Variants in PDE9A observed in about 807,000 individuals in gnomAD.
The protein encoded by PDE9A is phosphodiesterase 9A.
PDE9A carries 60 observed loss-of-function variants against 87.4 expected under a neutral mutation model. The ratio of observed to expected loss-of-function variants is 0.69; its 90% CI spans 0.56 to 0.85. The LOEUF is 0.85. Among genes scored for constraint, PDE9A ranks in the 40% least tolerant of loss-of-function variants. The pLI, the probability that PDE9A is intolerant of heterozygous loss-of-function variation, is 0.00. For missense variants in PDE9A, 665 were observed against 779.0 expected (o/e 0.85, Z 1.74); for synonymous variants, 272 against 279.4 (o/e 0.97, Z 0.27).
intron 1 of PDE9A, among the ~76,000 whole-genome samples, chr21:42,672,213 C>T (rs1166268188): frequency 2.0e-5 from 3 of 152,258 alleles, no homozygotes; most frequent in African/African-American, 7.2e-5. Flanking sequence ...GAGCCCACCT[C>T]GCCTTCGTTC....
chr21:42,697,421 G>GCTCATT, intron 3 of PDE9A: 1 of 1,608,964 alleles, frequency 6.2e-7, no homozygotes, highest in Non-Finnish European at 8.5e-7. Context: ...CCAGGAATGA[G>GCTCATT]CTCATTCTCT....
At chr21:42,699,938 A>G (rs891726583) in intron 4 of PDE9A, among the ~76,000 whole-genome samples, 4 of 152,100 alleles carry the variant, frequency 2.6e-5, no homozygotes, top group Non-Finnish European at 4.4e-5. Context: ...TTAAGTGCCT[A>G]TTTTGATGAC....
chr21:42,682,322 C>G (rs2059213539), intron 1 of PDE9A, among the ~76,000 whole-genome samples: 1 of 152,228 alleles, frequency 6.6e-6, no homozygotes, highest in African/African-American at 2.4e-5. Context: ...CAGCCAGTGC[C>G]AACTTTTGTG....
At chr21:42,708,335 C>T (rs560709167) in intron 4 of PDE9A, among the ~76,000 whole-genome samples, 4 of 152,202 alleles carry the variant, frequency 2.6e-5, no homozygotes, top group African/African-American at 7.2e-5. Context: ...CGGAAGCCTG[C>T]GGAATGGAAG....
At position 42,705,651 on chromosome 21, in the gene PDE9A, C is replaced by T. The variant is rs73905751; in HGVS notation, c.262+6640C>T. ...AGTCACACGCCAGGACGGCCCCCCACGGCCCAAGTCCTATAGGAGAGCCAG... is the reference window on the plus strand; with the variant it reads ...AGTCACACGCCAGGACGGCCCCCCATGGCCCAAGTCCTATAGGAGAGCCAG... On this transcript the variant is annotated intron_variant, in intron 4 of 19. Transcript: ENST00000291539. This position sits in a 1 kb window ranked among gnomAD's most constrained non-coding sequence, Gnocchi z 4.3. Among the ~76,000 whole-genome samples the T allele has an allele frequency of 4.7e-3, 709 of 152,318 alleles. 5 individuals carry two copies. Among genetic ancestry groups the T allele is most frequent in the African/African-American group, 0.016 (654 of 41,576 alleles).
intron 7 of PDE9A, among the ~76,000 whole-genome samples, chr21:42,743,309 C>A (rs13050700): frequency 5.7e-4 from 87 of 152,394 alleles, no homozygotes; most frequent in Non-Finnish European, 1.0e-3. Flanking sequence ...CAATGAAAAG[C>A]TTTTCCCATA....
At chr21:42,744,383 G>A (rs764366036) in intron 8 of PDE9A, among the ~76,000 whole-genome samples, 2 of 152,192 alleles carry the variant, frequency 1.3e-5, no homozygotes, top group Admixed American at 6.5e-5. Flanking sequence ...ATTGGAGATA[G>A]GGGCTGGGAA....
At chr21:42,762,841 C>T (rs1183828246) in intron 14 of PDE9A, among the ~76,000 whole-genome samples, 5 of 152,110 alleles carry the variant, frequency 3.3e-5, no homozygotes, top group Admixed American at 6.5e-5. Context: ...TACAGGCATG[C>T]GCCACCAAGC....
At chr21:42,674,316 C>CTTTTTTT (rs34238765) in intron 1 of PDE9A, among the ~76,000 whole-genome samples, 20 of 134,588 alleles carry the variant, frequency 1.5e-4, no homozygotes, top group African/African-American at 5.7e-4. Flanking sequence ...TTTAGACATT[C>CTTTTTTT]TTTTTTTTTT....
chr21:42,747,019 G>C (rs574345032), intron 8 of PDE9A, among the ~76,000 whole-genome samples: 8 of 152,164 alleles, frequency 5.3e-5, no homozygotes, highest in Non-Finnish European at 1.0e-4. Flanking sequence ...ATTCTCAAGC[G>C]TTGTCGACAC....
At chr21:42,758,826 C>G in intron 10 of PDE9A, 173 bp from the exon 11 acceptor site, 1 of 580,848 alleles carries the variant, frequency 1.7e-6, no homozygotes, top group Non-Finnish European at 3.1e-6. Flanking sequence ...GAAGACCTCT[C>G]TTCCCATGTC....
intron 1 of PDE9A, among the ~76,000 whole-genome samples, chr21:42,680,178 C>G (rs1392051075): frequency 1.3e-5 from 2 of 152,234 alleles, no homozygotes; most frequent in Non-Finnish European, 2.9e-5. Context: ...TCTCAGGGTC[C>G]CAGTGTGGCC....
chr21:42,678,508 G>A (rs1171941351), intron 1 of PDE9A, among the ~76,000 whole-genome samples: 2 of 152,204 alleles, frequency 1.3e-5, no homozygotes, highest in African/African-American at 4.8e-5. Context: ...CCCAGTTCTG[G>A]GTAACCATCT....
At chr21:42,686,061 T>G (rs1448622818) in intron 1 of PDE9A, 131 bp from the exon 2 acceptor site, 1 of 649,272 alleles carries the variant, frequency 1.5e-6, no homozygotes. Flanking sequence ...GACATTCCCG[T>G]GCGTAGAGTT....
intron 7 of PDE9A, among the ~76,000 whole-genome samples, chr21:42,735,841 A>G (rs946730482): frequency 1.3e-5 from 2 of 152,174 alleles, no homozygotes; most frequent in African/African-American, 4.8e-5. Flanking sequence ...TCTGGAGGAC[A>G]CAATTCAACC....
At chr21:42,741,234 C>G (rs374966511) in intron 7 of PDE9A, 30 of 152,246 alleles carry the variant, frequency 2.0e-4, no homozygotes, top group Non-Finnish European at 2.9e-5. Context: ...TAGACAAAGC[C>G]AAGGAGCACC....
chr21:42,752,731 C>T (rs936548958), intron 9 of PDE9A, among the ~76,000 whole-genome samples: 2 of 152,216 alleles, frequency 1.3e-5, no homozygotes, highest in African/African-American at 4.8e-5. Flanking sequence ...AAACAAATAT[C>T]CAGTAAGACC....
chr21:42,653,775 AAGTAC>A lies in PDE9A; in HGVS notation c.-35_-31del. On this transcript the variant is annotated 5_prime_UTR_variant, in exon 1 of 20. Coordinates refer to ENST00000291539, the MANE Select transcript of PDE9A (RefSeq NM_002606.3). ...CCTCCCGCGGCGGCTGGCGTCGGGA[AAGTAC>A]AGTAAAAAGTCCGAGTGCAGCCGCC... The A allele has an allele frequency of 7.9e-7, 1 of 1,259,274 alleles. No homozygotes were observed. The highest frequency in any genetic ancestry group is 1.0e-6 in the Non-Finnish European group (1 of 953,546). 78.0% of individuals were successfully genotyped at this position (1,259,274 alleles called of 1,614,324 possible).
At chr21:42,689,932 G>A (rs1448730708) in intron 3 of PDE9A, 1 of 985,256 alleles carries the variant, frequency 1.0e-6, no homozygotes, top group Non-Finnish European at 1.2e-6. Context: ...ACACGCGGAT[G>A]AGGATACAGG....
Sources: gnomAD v4.1 joint callset for allele counts (sites outside exome capture counted in the v4.1 genomes callset) on GRCh38, gnomAD v4.1.1 for gene constraint, Gnocchi (gnomAD v3.1) non-coding constraint, MANE v1.5 for transcripts, NCBI Gene and HGNC (gene_info 2026-07-23, HGNC 2026-07-21) for gene names.